The following ATP8A2 variants were observed in gnomAD, a reference collection of about 807,000 sequenced individuals.
ATP8A2 encodes the protein phospholipid-transporting ATPase IB.
ATP8A2 carries 100 observed loss-of-function variants against 165.6 expected under a neutral mutation model. The ratio of observed to expected loss-of-function variants is 0.60; its 90% CI spans 0.51 to 0.71. The LOEUF is 0.71. ATP8A2 is among the 30% of genes least tolerant of loss of function. The probability of loss-of-function intolerance (pLI) is 0.00; values close to 1 mark genes in which losing one functional copy is unlikely to be tolerated. For synonymous variants in ATP8A2, 543 were observed against 548.8 expected (o/e 0.99, Z 0.15); for missense variants, 1,227 against 1,479.5 (o/e 0.83, Z 2.80).
rs539146334 is a variant in ATP8A2 at position 25,547,433 on chromosome 13, G to T, written c.892-3905G>T. 4.6e-5 allele frequency among the ~76,000 whole-genome samples: 7 copies of T among 152,156 alleles called. No individual in the cohort carries two copies. In the East Asian group the frequency reaches 1.4e-3, roughly 30 times the overall value. ...GAGCGTGAACTCTGTTGTGAACTGC[G>T]CATACAAGGGATCTAGGTTGCTCAT... is the stretch of plus-strand genomic sequence containing the variant. On this transcript the variant is annotated intron_variant, in intron 10 of 36. Coordinates refer to ENST00000381655, the MANE Select transcript of ATP8A2 (RefSeq NM_016529.6).
At chr13:25,561,878 G>A (rs1215681481) in intron 15 of ATP8A2, among the ~76,000 whole-genome samples, 2 of 152,184 alleles carry the variant, frequency 1.3e-5, no homozygotes, top group Non-Finnish European at 2.9e-5. Context: ...TGCAGTATTT[G>A]TGTTTTTGTG....
intron 1 of ATP8A2, among the ~76,000 whole-genome samples, chr13:25,402,795 G>T (rs896840764): frequency 6.6e-6 from 1 of 152,154 alleles, no homozygotes; most frequent in Non-Finnish European, 1.5e-5. Flanking sequence ...TCTTAGTCTG[G>T]TTGGGCTGCT....
chr13:25,834,578 C>T (rs1039967542), intron 28 of ATP8A2, among the ~76,000 whole-genome samples: 11 of 152,180 alleles, frequency 7.2e-5, no homozygotes, highest in Non-Finnish European at 1.5e-4. Context: ...TAAAAGACTG[C>T]ATTACCATCA....
chr13:25,924,681 T>G (rs1031330045), intron 33 of ATP8A2, among the ~76,000 whole-genome samples: 10 of 152,186 alleles, frequency 6.6e-5, no homozygotes, highest in Admixed American at 2.6e-4. Context: ...TTTTTTTCAT[T>G]GAGGTATGAT....
At chr13:25,766,042 C>T (rs2044483613) in intron 25 of ATP8A2, among the ~76,000 whole-genome samples, 1 of 152,210 alleles carries the variant, frequency 6.6e-6, no homozygotes, top group South Asian at 2.1e-4. Context: ...GGAGGAGTCG[C>T]AGCCTCAGGC....
intron 27 of ATP8A2, among the ~76,000 whole-genome samples, chr13:25,791,010 G>A (rs1192648147): frequency 6.6e-6 from 1 of 152,048 alleles, no homozygotes; most frequent in Non-Finnish European, 1.5e-5. Context: ...CCACCATTTG[G>A]CCAACCAATC....
At chr13:25,445,083 AC>A in intron 1 of ATP8A2, among the ~76,000 whole-genome samples, 1 of 152,206 alleles carries the variant, frequency 6.6e-6, no homozygotes, top group Non-Finnish European at 1.5e-5. Context: ...TACATGTATT[AC>A]AAATATATTT....
At chr13:25,429,065 A>C (rs1466433243) in intron 1 of ATP8A2, among the ~76,000 whole-genome samples, 1 of 152,070 alleles carries the variant, frequency 6.6e-6, no homozygotes, top group Non-Finnish European at 1.5e-5. Flanking sequence ...TAGAGAGTTA[A>C]GTCTAAAGAA....
chr13:25,616,140 T>A (rs907493335), intron 24 of ATP8A2, among the ~76,000 whole-genome samples: 4 of 152,024 alleles, frequency 2.6e-5, no homozygotes, highest in African/African-American at 9.7e-5. Flanking sequence ...CATTCATTTA[T>A]CATTGACCAC....
chr13:25,376,913 C>T (rs1481419858), intron 1 of ATP8A2, among the ~76,000 whole-genome samples: 1 of 152,196 alleles, frequency 6.6e-6, no homozygotes, highest in Non-Finnish European at 1.5e-5. Flanking sequence ...TGATTCTGGA[C>T]AGAGTGTTCA....
chr13:25,432,755 TG>T (rs771227468), intron 1 of ATP8A2, among the ~76,000 whole-genome samples: 2 of 152,206 alleles, frequency 1.3e-5, no homozygotes, highest in Non-Finnish European at 2.9e-5. Context: ...TCCCTTAGGA[TG>T]CATAACTAGG....
chr13:25,968,579 A>G lies in ATP8A2; in HGVS notation c.3277A>G (p.Lys1093Glu). 6.2e-7 allele frequency: 1 copy of G among 1,613,456 alleles called. No homozygotes were observed. Residue 1093 changes from lysine (K) to glutamate (E), a missense_variant, in exon 35 of 37, where the codon AAG becomes GAG. Transcript: ENST00000381655. The stretch of plus-strand genomic sequence containing the variant: ...TGTCTTTTCCTCATAACACAGAGCC[A>G]AGCACACCTGCAAAAAGACATTGCT... ...LIEDVAWRAAKHTCKKTLLEE... is the reference protein window; with the variant it reads ...LIEDVAWRAAEHTCKKTLLEE...
intron 25 of ATP8A2, among the ~76,000 whole-genome samples, chr13:25,717,758 G>A (rs557232537): frequency 6.6e-6 from 1 of 152,040 alleles, no homozygotes; most frequent in African/African-American, 2.4e-5. Flanking sequence ...TTTCCTTTTC[G>A]AGAGATCAAC....
At chr13:25,439,158 G>A (rs1014327492) in intron 1 of ATP8A2, among the ~76,000 whole-genome samples, 4 of 152,182 alleles carry the variant, frequency 2.6e-5, no homozygotes, top group Non-Finnish European at 5.9e-5. Flanking sequence ...AAAACGTAGC[G>A]ACAGCCTGCC....
intron 25 of ATP8A2, among the ~76,000 whole-genome samples, chr13:25,708,448 CT>C (rs1283919205): frequency 7.2e-5 from 11 of 152,314 alleles, no homozygotes; most frequent in African/African-American, 2.4e-4. Context: ...CAAAATAGCT[CT>C]TACGTTAATT....
intron 24 of ATP8A2, among the ~76,000 whole-genome samples, chr13:25,629,495 C>G (rs1304784780): frequency 6.6e-6 from 1 of 152,118 alleles, no homozygotes; most frequent in East Asian, 1.9e-4. Flanking sequence ...TAGTAATACT[C>G]TTTCCTTTTT....
chr13:25,763,294 C>T (rs2044422264), intron 25 of ATP8A2, among the ~76,000 whole-genome samples: 1 of 152,182 alleles, frequency 6.6e-6, no homozygotes, highest in Non-Finnish European at 1.5e-5. Flanking sequence ...GAGGCTGCCT[C>T]TTGGTCAAAC....
At chr13:25,478,855 C>CTTTTTTTTTT (rs5802337) in intron 2 of ATP8A2, among the ~76,000 whole-genome samples, 1 of 149,252 alleles carries the variant, frequency 6.7e-6, no homozygotes. Flanking sequence ...ATTTGTAACA[C>CTTTTTTTTTT]TTTTTTTTTT....
At chr13:25,879,596 T>C (rs1952918946) in intron 33 of ATP8A2, among the ~76,000 whole-genome samples, 2 of 152,322 alleles carry the variant, frequency 1.3e-5, no homozygotes, top group South Asian at 4.1e-4. Context: ...CGATGGATTC[T>C]GGACTCCACC....
Sources: allele counts gnomAD v4.1 joint callset (sites outside exome capture counted in the v4.1 genomes callset), GRCh38; gene constraint gnomAD v4.1.1; transcripts MANE v1.5; gene names NCBI Gene and HGNC (gene_info 2026-07-23, HGNC 2026-07-21).